Variants in TBC1D19 observed in about 807,000 individuals in gnomAD.
TBC1D19 encodes the protein TBC1 domain family, member 19.
Under a neutral mutation model 89.0 loss-of-function variants are expected in TBC1D19, and 60 were observed. The ratio of observed to expected loss-of-function variants is 0.67; its 90% CI spans 0.55 to 0.84. The LOEUF (loss-of-function observed/expected upper bound fraction) is 0.84, where lower values mean the gene tolerates loss of function less well. Ranked by LOEUF, TBC1D19 falls within the 40% of genes least tolerant of loss-of-function variation. The pLI is 0.00. For missense variants in TBC1D19, 500 were observed against 610.8 expected (o/e 0.82, Z 1.91); for synonymous variants, 189 against 199.7 (o/e 0.95, Z 0.45).
chr4:26,787,066 C>G, the TBC1D19 span, among the ~76,000 whole-genome samples: 1 of 151,618 alleles, frequency 6.6e-6, no homozygotes, highest in Non-Finnish European at 1.5e-5. Flanking sequence ...TGTGAAGCAC[C>G]TGGCATGTGG....
At chr4:26,801,529 T>C in the TBC1D19 span, among the ~76,000 whole-genome samples, 1 of 152,174 alleles carries the variant, frequency 6.6e-6, no homozygotes, top group Non-Finnish European at 1.5e-5. Flanking sequence ...AAGTAGTCTT[T>C]CCCAATTCTG....
the TBC1D19 span, among the ~76,000 whole-genome samples, chr4:26,779,898 A>G: frequency 6.6e-6 from 1 of 152,198 alleles, no homozygotes; most frequent in East Asian, 1.9e-4. Flanking sequence ...GTGTGGTGGC[A>G]GGTCCACACT....
chr4:26,631,595 A>G (rs573362909), intron 4 of TBC1D19, among the ~76,000 whole-genome samples: 286 of 152,224 alleles, frequency 1.9e-3, no homozygotes, highest in African/African-American at 6.5e-3. Context: ...ATGTTTAGTC[A>G]TAGTATTTCT....
intron 7 of TBC1D19, among the ~76,000 whole-genome samples, chr4:26,655,273 T>A (rs1465399986): frequency 2.0e-5 from 3 of 152,194 alleles, no homozygotes; most frequent in Admixed American, 1.3e-4. Context: ...GAGGTGTCAG[T>A]CTGCCCCTAC....
At chr4:26,849,582 A>G in the TBC1D19 span, among the ~76,000 whole-genome samples, 5 of 152,230 alleles carry the variant, frequency 3.3e-5, no homozygotes, top group Non-Finnish European at 7.3e-5. Flanking sequence ...CTCCATCATT[A>G]GATGGAACAT....
At chr4:26,780,363 C>CT in the TBC1D19 span, among the ~76,000 whole-genome samples, 1 of 152,204 alleles carries the variant, frequency 6.6e-6, no homozygotes, top group Non-Finnish European at 1.5e-5. Flanking sequence ...CGGAATAACA[C>CT]TTTTCACCCA....
chr4:26,654,464 A>G (rs578058630), intron 7 of TBC1D19, among the ~76,000 whole-genome samples: 5 of 152,262 alleles, frequency 3.3e-5, no homozygotes, highest in South Asian at 4.1e-4. Flanking sequence ...TATCCTGCAG[A>G]GTGTTTTCCA....
intron 13 of TBC1D19, among the ~76,000 whole-genome samples, chr4:26,699,877 G>T (rs1352396137): frequency 6.7e-6 from 1 of 149,466 alleles, no homozygotes; most frequent in Non-Finnish European, 1.5e-5. Flanking sequence ...GTGGGGGGAA[G>T]GGGGAGGGAA....
chr4:26,703,494 G>A (rs572349582), intron 13 of TBC1D19, among the ~76,000 whole-genome samples: 2 of 152,284 alleles, frequency 1.3e-5, no homozygotes, highest in Admixed American at 1.3e-4. Context: ...CACAGTTGCT[G>A]TATAGGAAAA....
chr4:26,720,978 C>T (rs1354182736), intron 15 of TBC1D19, among the ~76,000 whole-genome samples: 1 of 152,084 alleles, frequency 6.6e-6, no homozygotes, highest in Admixed American at 6.6e-5. Flanking sequence ...ATATCTAAAA[C>T]TCATACGTGG....
chr4:26,586,392 A>C (rs774830151), intron 1 of TBC1D19, among the ~76,000 whole-genome samples: 1 of 152,062 alleles, frequency 6.6e-6, no homozygotes, highest in Non-Finnish European at 1.5e-5. Context: ...AAGCCTTGAG[A>C]TCAAAGTCCT....
chr4:26,616,539 C>G (rs1741712008), intron 3 of TBC1D19, among the ~76,000 whole-genome samples: 1 of 151,764 alleles, frequency 6.6e-6, no homozygotes, highest in African/African-American at 2.4e-5. Context: ...ATAAGGAAAG[C>G]AAAAAGGAAA....
chr4:26,742,769 A>T (rs1718444066), intron 18 of TBC1D19, among the ~76,000 whole-genome samples, 170 bp downstream of exon 18: 1 of 152,172 alleles, frequency 6.6e-6, no homozygotes, highest in African/African-American at 2.4e-5. Context: ...TGTTCCAAAA[A>T]TTCTTGAAAG....
At chr4:26,692,237 C>A (rs998254867) in intron 13 of TBC1D19, among the ~76,000 whole-genome samples, 9 of 152,128 alleles carry the variant, frequency 5.9e-5, no homozygotes, top group Non-Finnish European at 1.3e-4. Flanking sequence ...TATTTCTTAT[C>A]TCCCTCACCT....
chr4:26,828,572 G>A, the TBC1D19 span, among the ~76,000 whole-genome samples: 1 of 152,210 alleles, frequency 6.6e-6, no homozygotes, highest in African/African-American at 2.4e-5. Context: ...ATCTATGCAC[G>A]TCCAAGTATA....
In TBC1D19 at chr4:26,666,324, A is replaced by G. The variant is rs1711803926; in HGVS notation, c.592-9A>G. 2.5e-6 allele frequency: 4 copies of G among 1,608,770 alleles called. No individual in the cohort carries two copies. The highest frequency in any genetic ancestry group is 2.2e-5 in the East Asian group (1 of 44,706). On this transcript the variant is annotated splice_polypyrimidine_tract_variant and intron_variant, in intron 8 of 20. Coordinates refer to ENST00000264866, the MANE Select transcript of TBC1D19 (RefSeq NM_018317.4). ...GATCTATGTTAATTCTACGTATGTTATTTTTCAGAAAGAATGCTTTGTGGA... is the reference window on the plus strand; with the variant it reads ...GATCTATGTTAATTCTACGTATGTTGTTTTTCAGAAAGAATGCTTTGTGGA...
At chr4:26,604,004 G>A (rs1411638779) in intron 1 of TBC1D19, among the ~76,000 whole-genome samples, 1 of 152,030 alleles carries the variant, frequency 6.6e-6, no homozygotes, top group African/African-American at 2.4e-5. Context: ...CCATTCTATG[G>A]TCTGTCTCTA....
In TBC1D19 at chr4:26,735,601, G is replaced by GA. The variant is rs1717997595; in HGVS notation, c.1117+120dup. The stretch of plus-strand genomic sequence containing the variant: ...GTTTTACTATAGTAAAACAATAAAG[G>GA]AAAAAATAAAGTGAAATGCATGCTA... On this transcript the variant is annotated intron_variant, in intron 16 of 20. Coordinates refer to ENST00000264866, the MANE Select transcript of TBC1D19 (RefSeq NM_018317.4). 5.1e-6 allele frequency: 5 copies of GA among 989,482 alleles called. No homozygotes were observed. The East Asian group carries it at 9.6e-5, about 19-fold the overall frequency. 61.3% of individuals were successfully genotyped at this position (989,482 alleles called of 1,614,324 possible).
chr4:26,724,459 T>A (rs1024380261), intron 15 of TBC1D19, among the ~76,000 whole-genome samples: 6 of 152,214 alleles, frequency 3.9e-5, no homozygotes, highest in African/African-American at 1.4e-4. Flanking sequence ...TGTTGTGGGT[T>A]CTAGGTGTTG....
Sources: gnomAD v4.1 joint callset for allele counts (sites outside exome capture counted in the v4.1 genomes callset) on GRCh38, gnomAD v4.1.1 for gene constraint, MANE v1.5 for transcripts, NCBI Gene and HGNC (gene_info 2026-07-23, HGNC 2026-07-21) for gene names.